Variants in SLC24A2 observed in about 807,000 individuals in gnomAD.
SLC24A2 encodes solute carrier family 24 member 2.
SLC24A2 carries 36 observed loss-of-function variants against 62.0 expected under a neutral mutation model. That is an observed-to-expected ratio of 0.58 (90% confidence interval 0.44 to 0.77). The LOEUF is 0.77. SLC24A2 is among the 30% of genes least tolerant of loss of function. The probability of loss-of-function intolerance (pLI) is 0.00; values close to 1 mark genes in which losing one functional copy is unlikely to be tolerated. For missense variants in SLC24A2, 846 were observed against 817.9 expected, an observed-to-expected ratio of 1.03 and a Z score of -0.42; for synonymous variants, 358 against 294.0, an observed-to-expected ratio of 1.22 and a Z score of -2.23.
chr9:19,882,220 A>G, the SLC24A2 span, among the ~76,000 whole-genome samples: 2 of 150,348 alleles, frequency 1.3e-5, no homozygotes, highest in Non-Finnish European at 3.0e-5. Flanking sequence ...CAACAGAGAT[A>G]AAGTGCCCAC....
chr9:19,995,468 G>C, the SLC24A2 span, among the ~76,000 whole-genome samples: 15 of 152,156 alleles, frequency 9.9e-5, no homozygotes, highest in African/African-American at 3.6e-4. Flanking sequence ...CAGGACTTAG[G>C]CTGTGATGGG....
chr9:19,841,913 G>A, the SLC24A2 span, among the ~76,000 whole-genome samples: 3 of 152,166 alleles, frequency 2.0e-5, no homozygotes, highest in East Asian at 5.8e-4. Context: ...TGGCAGGGAT[G>A]GAGGCTAAGC....
intron 2 of SLC24A2, among the ~76,000 whole-genome samples, chr9:19,745,676 C>G (rs1030785539): frequency 6.6e-6 from 1 of 152,154 alleles, no homozygotes; most frequent in African/African-American, 2.4e-5. Flanking sequence ...CCCACAGCTT[C>G]AATTCCTTTT....
Position 19,717,092 on chromosome 9 carries a change from A to G in SLC24A2, c.930+68845T>C, listed in dbSNP as rs558160286. On this transcript the variant is annotated intron_variant, in intron 2 of 10. Transcript: ENST00000341998. ...TACTGCAGCTCACTTTGCCAGAGAC[A>G]GTGAGAGTTCTTCCCGACATATGAG... Among the ~76,000 whole-genome samples the G allele has an allele frequency of 4.6e-5, 7 of 152,358 alleles. No homozygotes were observed. The East Asian group carries it at 1.3e-3, about 29-fold the overall frequency.
rs1304518290 is a variant in SLC24A2 at position 19,525,386 on chromosome 9, CTTTACTTTTTTTTT to C, written c.1569+2649_1569+2662del. Among the ~76,000 whole-genome samples, 13 of 47,200 alleles carry C rather than the reference CTTTACTTTTTTTTT, an allele frequency of 2.8e-4. No homozygotes were observed. In the South Asian group the frequency reaches 3.9e-3, roughly 14 times the overall value. 31.0% of individuals were successfully genotyped at this position (47,200 alleles called of 152,430 possible). A position where few individuals can be genotyped will look rare whatever the true frequency, so the allele number is the denominator to read the frequency against. On this transcript the variant is annotated intron_variant, in intron 9 of 10. Coordinates refer to ENST00000341998, the MANE Select transcript of SLC24A2 (RefSeq NM_020344.4). ...TCTGCAAGGTTTTTTTTTCCTATTTCTTTACTTTTTTTTTTTTTTTTTTTTTTTTTTTTAAAAGA... is the reference window on the plus strand; with the variant it reads ...TCTGCAAGGTTTTTTTTTCCTATTTCTTTTTTTTTTTTTTTTTTTAAAAGA...
chr9:19,922,927 T>C, the SLC24A2 span, among the ~76,000 whole-genome samples: 34 of 150,638 alleles, frequency 2.3e-4, 1 homozygote, highest in East Asian at 5.0e-3. Flanking sequence ...ATCTTAAATA[T>C]TAAAAATTAT....
At chr9:20,303,122 AT>A in the SLC24A2 span, among the ~76,000 whole-genome samples, 27,270 of 151,814 alleles carry the variant, frequency 0.18, 3,039 homozygotes, top group South Asian at 0.3. Flanking sequence ...ATATATCTGT[AT>A]TTTTTTTCTT....
chr9:20,043,587 T>A, the SLC24A2 span, among the ~76,000 whole-genome samples: 2 of 152,308 alleles, frequency 1.3e-5, no homozygotes, highest in East Asian at 1.9e-4. Flanking sequence ...CCCTCATAGA[T>A]GACCTTGAGA....
At chr9:20,175,461 C>T in the SLC24A2 span, among the ~76,000 whole-genome samples, 1 of 152,094 alleles carries the variant, frequency 6.6e-6, no homozygotes. Flanking sequence ...TTACTTAATG[C>T]TACTGAATTA....
chr9:19,788,624 C>G (rs967583552), intron 1 of SLC24A2: 2 of 985,346 alleles, frequency 2.0e-6, no homozygotes, highest in African/African-American at 3.5e-5. Flanking sequence ...AAGCGCCCCT[C>G]TGCGCGTCTC....
chr9:19,710,205 C>G (rs1024110536), intron 2 of SLC24A2, among the ~76,000 whole-genome samples: 11 of 152,124 alleles, frequency 7.2e-5, no homozygotes, highest in Non-Finnish European at 4.4e-5. Context: ...ATTCATCATT[C>G]AACAACTGTG....
At chr9:19,949,680 CAA>C in the SLC24A2 span, among the ~76,000 whole-genome samples, 1 of 152,212 alleles carries the variant, frequency 6.6e-6, no homozygotes, top group Non-Finnish European at 1.5e-5. Context: ...GTCATGTCCT[CAA>C]AAGGAAGCTG....
intron 4 of SLC24A2, among the ~76,000 whole-genome samples, chr9:19,609,891 C>A (rs976573341): frequency 2.6e-5 from 4 of 152,132 alleles, no homozygotes; most frequent in African/African-American, 9.7e-5. Flanking sequence ...ATGCACAGTT[C>A]ACCATAGAGT....
chr9:19,933,375 T>C, the SLC24A2 span, among the ~76,000 whole-genome samples: 19 of 152,234 alleles, frequency 1.2e-4, no homozygotes, highest in Admixed American at 1.1e-3. Context: ...CACTTAAGAA[T>C]AGCAGTAAAT....
the SLC24A2 span, among the ~76,000 whole-genome samples, chr9:20,236,411 G>T: frequency 6.6e-6 from 1 of 152,296 alleles, no homozygotes; most frequent in Admixed American, 6.5e-5. Flanking sequence ...GAATTGTTGT[G>T]TGAGTGTTGG....
At chr9:19,763,932 C>T (rs868094991) in intron 2 of SLC24A2, among the ~76,000 whole-genome samples, 58 of 152,158 alleles carry the variant, frequency 3.8e-4, no homozygotes, top group African/African-American at 1.4e-3. Flanking sequence ...GCTGTGAATC[C>T]ATCTGGTCCC....
At chr9:20,135,386 T>G in the SLC24A2 span, among the ~76,000 whole-genome samples, 110 of 115,080 alleles carry the variant, frequency 9.6e-4, 1 homozygote, top group South Asian at 4.1e-3. Flanking sequence ...CAATTTAAAA[T>G]TTTCATTTTT....
At chr9:20,258,471 G>A in the SLC24A2 span, among the ~76,000 whole-genome samples, 1 of 152,256 alleles carries the variant, frequency 6.6e-6, no homozygotes, top group South Asian at 2.1e-4. Flanking sequence ...TCCAACAACT[G>A]GGGGTCTGGA....
At chr9:19,919,246 A>G in the SLC24A2 span, among the ~76,000 whole-genome samples, 1 of 152,130 alleles carries the variant, frequency 6.6e-6, no homozygotes, top group Non-Finnish European at 1.5e-5. Flanking sequence ...ACAGGCCCAG[A>G]GATGCACTTA....
Sources: allele counts gnomAD v4.1 joint callset (sites outside exome capture counted in the v4.1 genomes callset), GRCh38; gene constraint gnomAD v4.1.1; transcripts MANE v1.5; gene names NCBI Gene and HGNC (gene_info 2026-07-23, HGNC 2026-07-21).